PDE4D: variants seen among roughly 807,000 people sequenced by gnomAD.
PDE4D encodes phosphodiesterase 4D.
In PDE4D, 24 loss-of-function variants were observed where a neutral mutation model predicts 87.4. The ratio of observed to expected loss-of-function variants is 0.27; its 90% CI spans 0.20 to 0.39. The LOEUF (loss-of-function observed/expected upper bound fraction) is 0.39, where lower values mean the gene tolerates loss of function less well. PDE4D is among the 10% of genes least tolerant of loss of function. The probability of loss-of-function intolerance (pLI) is 1.00; values close to 1 mark genes in which losing one functional copy is unlikely to be tolerated. For missense variants in PDE4D, 714 were observed against 1,041.0 expected (o/e 0.69, Z 4.32); for synonymous variants, 384 against 383.2 (o/e 1.00, Z -0.02).
At chr5:60,316,209 T>C (rs1755577082) in intron 1 of PDE4D, among the ~76,000 whole-genome samples, 1 of 152,166 alleles carries the variant, frequency 6.6e-6, no homozygotes, top group Non-Finnish European at 1.5e-5. Flanking sequence ...TCACGTCCCT[T>C]GTATGTTGGA....
At chr5:60,020,844 G>A (rs1465897748) in intron 2 of PDE4D, among the ~76,000 whole-genome samples, 1 of 152,194 alleles carries the variant, frequency 6.6e-6, no homozygotes, top group African/African-American at 2.4e-5. Context: ...ATAAGGAAGT[G>A]AAACATCTTC....
chr5:60,028,298 C>T (rs1035476257), intron 2 of PDE4D, among the ~76,000 whole-genome samples: 2 of 152,140 alleles, frequency 1.3e-5, no homozygotes, highest in East Asian at 1.9e-4. Context: ...TCCTTTCACA[C>T]TGGATACAAT....
intron 5 of PDE4D, among the ~76,000 whole-genome samples, chr5:59,151,134 C>T (rs558722311): frequency 1.3e-5 from 2 of 152,184 alleles, no homozygotes; most frequent in South Asian, 2.1e-4. Context: ...TTCTGGTAAC[C>T]GAGCTGATCC....
At chr5:59,675,462 T>C (rs574791984) in intron 1 of PDE4D, among the ~76,000 whole-genome samples, 1 of 152,172 alleles carries the variant, frequency 6.6e-6, no homozygotes, top group Non-Finnish European at 1.5e-5. Flanking sequence ...GTCATGATAT[T>C]TTTGGCAAAA....
intron 2 of PDE4D, among the ~76,000 whole-genome samples, chr5:60,070,484 T>C (rs77417104): frequency 9.3e-4 from 142 of 152,232 alleles, no homozygotes; most frequent in African/African-American, 3.4e-3. Context: ...ATTTTGTTAA[T>C]GTGGAATTTC....
At chr5:59,716,664 CATTT>C (rs1160878998) in intron 1 of PDE4D, among the ~76,000 whole-genome samples, 2 of 152,162 alleles carry the variant, frequency 1.3e-5, no homozygotes, top group African/African-American at 2.4e-5. Context: ...CTCATTCATT[CATTT>C]ATTTATTCAT....
At chr5:59,823,047 A>G (rs1000303791) in intron 1 of PDE4D, among the ~76,000 whole-genome samples, 1 of 152,192 alleles carries the variant, frequency 6.6e-6, no homozygotes, top group Non-Finnish European at 1.5e-5. Flanking sequence ...TTAACAAAGC[A>G]GGCTTGATTT....
At chr5:60,232,972 C>T (rs1232370839) in intron 1 of PDE4D, among the ~76,000 whole-genome samples, 1 of 151,640 alleles carries the variant, frequency 6.6e-6, no homozygotes. Flanking sequence ...GAAAACATTA[C>T]AGAAAAATTG....
At chr5:59,712,427 TA>T in intron 1 of PDE4D, among the ~76,000 whole-genome samples, 1 of 136,868 alleles carries the variant, frequency 7.3e-6, no homozygotes, top group Non-Finnish European at 1.6e-5. Context: ...TATATATATA[TA>T]TTTAAGTTGT....
At chr5:58,991,628 AC>A (rs548284452) in intron 8 of PDE4D, among the ~76,000 whole-genome samples, 106 of 151,490 alleles carry the variant, frequency 7.0e-4, no homozygotes, top group African/African-American at 2.3e-3. Flanking sequence ...GCAAATAATC[AC>A]CCCCCAAACC....
intron 3 of PDE4D, among the ~76,000 whole-genome samples, chr5:59,917,073 G>A (rs1375477495): frequency 6.6e-6 from 1 of 150,946 alleles, no homozygotes; most frequent in East Asian, 1.9e-4. Context: ...CAAAGTGCTG[G>A]GATTACAGGT....
chr5:59,487,447 G>A (rs546678310), intron 1 of PDE4D, among the ~76,000 whole-genome samples: 4 of 152,248 alleles, frequency 2.6e-5, no homozygotes, highest in African/African-American at 9.6e-5. Flanking sequence ...CCAAGAACCA[G>A]ACTCACAGCA....
At chr5:60,297,496 G>T (rs1009338392) in intron 1 of PDE4D, among the ~76,000 whole-genome samples, 4 of 152,158 alleles carry the variant, frequency 2.6e-5, no homozygotes, top group Non-Finnish European at 2.9e-5. Context: ...ATATCGAGAA[G>T]TATGTTATGG....
chr5:60,060,585 G>T (rs979862894), intron 2 of PDE4D, among the ~76,000 whole-genome samples: 1 of 152,094 alleles, frequency 6.6e-6, no homozygotes, highest in African/African-American at 2.4e-5. Flanking sequence ...CTGAGGAGTT[G>T]ATTTCAACTG....
chr5:60,111,909 C>T (rs1431363244), intron 2 of PDE4D, among the ~76,000 whole-genome samples: 1 of 151,932 alleles, frequency 6.6e-6, no homozygotes, highest in Non-Finnish European at 1.5e-5. Context: ...AGATTTTTGT[C>T]TTTGCCAAAC....
intron 6 of PDE4D, among the ~76,000 whole-genome samples, chr5:59,012,107 G>GAA (rs1752929391): frequency 2.6e-5 from 4 of 152,294 alleles, no homozygotes; most frequent in Admixed American, 2.6e-4. Flanking sequence ...CAAATGCTGA[G>GAA]ATTTTGTCAC....
chr5:59,767,155 T>A (rs1380429030), intron 1 of PDE4D, among the ~76,000 whole-genome samples: 4 of 152,142 alleles, frequency 2.6e-5, no homozygotes, highest in African/African-American at 9.7e-5. Flanking sequence ...TTCTGCTTTT[T>A]TTTTCCCTCC....
chr5:60,117,046 T>TA (rs34225782), intron 2 of PDE4D, among the ~76,000 whole-genome samples: 14 of 150,728 alleles, frequency 9.3e-5, no homozygotes, highest in East Asian at 7.8e-4. Context: ...TGCATATTTC[T>TA]AAAAAAAAAA....
chr5:60,377,581 T>A (rs1761528513), intron 1 of PDE4D, among the ~76,000 whole-genome samples: 1 of 152,124 alleles, frequency 6.6e-6, no homozygotes, highest in Non-Finnish European at 1.5e-5. Flanking sequence ...ATCTCATGAG[T>A]GACCACTCAG....
Sources: gnomAD v4.1 joint callset for allele counts (sites outside exome capture counted in the v4.1 genomes callset) on GRCh38, gnomAD v4.1.1 for gene constraint, MANE v1.5 for transcripts, NCBI Gene and HGNC (gene_info 2026-07-23, HGNC 2026-07-21) for gene names.